CD99L2: variants seen among roughly 807,000 people sequenced by gnomAD.
CD99L2 encodes CD99 antigen-like protein 2.
A neutral mutation model predicts 27.3 loss-of-function variants in CD99L2; 24 were observed. The ratio of observed to expected loss-of-function variants is 0.88; its 90% CI spans 0.64 to 1.24. The LOEUF (loss-of-function observed/expected upper bound fraction) is 1.24. CD99L2 is among the 50% of genes most tolerant of loss of function. The pLI is 0.00. For missense variants in CD99L2, 255 were observed against 221.6 expected, an observed-to-expected ratio of 1.15 and a Z score of -0.96; for synonymous variants, 97 against 87.9, an observed-to-expected ratio of 1.10 and a Z score of -0.58.
intron 1 of CD99L2, among the ~76,000 whole-genome samples, chrX:150,864,061 T>C (rs782255062): frequency 1.2e-4 from 13 of 112,173 alleles, no homozygotes; most frequent in Non-Finnish European, 1.9e-4. Context: ...ACCCAGTTTG[T>C]GATACTTTGT....
intron 2 of CD99L2, among the ~76,000 whole-genome samples, chrX:150,830,129 T>C (rs1285024739): frequency 7.3e-5 from 8 of 109,368 alleles, no homozygotes; most frequent in Admixed American, 5.9e-4. Flanking sequence ...CACTCCAGCC[T>C]GGGTGACAGA....
chrX:150,799,082 A>G (rs1603293791), intron 4 of CD99L2, among the ~76,000 whole-genome samples: 2 of 112,699 alleles, frequency 1.8e-5, no homozygotes, highest in South Asian at 3.6e-4. Context: ...TCAAAGGACA[A>G]TATCAAGAGA....
intron 1 of CD99L2, among the ~76,000 whole-genome samples, chrX:150,897,794 C>A (rs1305575541): frequency 9.0e-6 from 1 of 111,224 alleles, no homozygotes; most frequent in East Asian, 2.8e-4. Context: ...GAATCACCCG[C>A]GGATCTAGTT....
chrX:150,831,614 G>A (rs1285141801), intron 1 of CD99L2, among the ~76,000 whole-genome samples: 2 of 111,360 alleles, frequency 1.8e-5, no homozygotes, highest in African/African-American at 6.5e-5. Flanking sequence ...AGGGTGGGAG[G>A]AGGGAGAGGG....
chrX:150,872,818 G>T (rs67856847), intron 1 of CD99L2, among the ~76,000 whole-genome samples: 22,729 of 110,915 alleles, frequency 0.2, 1,823 homozygotes, highest in African/African-American at 0.3. Flanking sequence ...ATGCAAATAG[G>T]AACAAGGAAA....
intron 1 of CD99L2, among the ~76,000 whole-genome samples, chrX:150,851,655 C>T (rs1197833246): frequency 8.9e-6 from 1 of 112,116 alleles, no homozygotes; most frequent in Non-Finnish European, 1.9e-5. Flanking sequence ...GGGTTAAAAC[C>T]GGGGCACCAG....
At chrX:150,800,830 G>A (rs1006167563) in intron 4 of CD99L2, among the ~76,000 whole-genome samples, 1 of 110,926 alleles carries the variant, frequency 9.0e-6, no homozygotes, top group Non-Finnish European at 1.9e-5. Flanking sequence ...TCAGGAGTTC[G>A]AGATCAGCCT....
chrX:150,808,089 T>C (rs1419730339), intron 4 of CD99L2, among the ~76,000 whole-genome samples: 1 of 112,610 alleles, frequency 8.9e-6, no homozygotes, highest in Non-Finnish European at 1.9e-5. Flanking sequence ...TTATATTACT[T>C]TCTACAGAAG....
At chrX:150,870,315 C>G (rs1170170008) in intron 1 of CD99L2, among the ~76,000 whole-genome samples, 1 of 111,663 alleles carries the variant, frequency 9.0e-6, no homozygotes, top group Non-Finnish European at 1.9e-5. Flanking sequence ...GACTAACAGA[C>G]AGCCAAAGAC....
chrX:150,776,656 C>G (rs1004394085), intron 8 of CD99L2, among the ~76,000 whole-genome samples: 1 of 111,734 alleles, frequency 8.9e-6, no homozygotes. Context: ...CTCTATTGGC[C>G]TCATGATTAT....
intron 1 of CD99L2, among the ~76,000 whole-genome samples, chrX:150,856,701 G>A (rs2046895242): frequency 9.1e-6 from 1 of 109,865 alleles, no homozygotes; most frequent in African/African-American, 3.3e-5. Context: ...CAGAAAACAT[G>A]AAAATGCAAG....
chrX:150,788,658 CATTTG>C (rs1463604187), intron 7 of CD99L2, among the ~76,000 whole-genome samples: 1 of 111,984 alleles, frequency 8.9e-6, no homozygotes, highest in Non-Finnish European at 1.9e-5. Context: ...TCAGGAAAGT[CATTTG>C]ATTTCAGTAA....
intron 9 of CD99L2, among the ~76,000 whole-genome samples, chrX:150,771,629 T>C (rs953383357): frequency 1.8e-5 from 2 of 111,927 alleles, no homozygotes; most frequent in South Asian, 3.7e-4. Context: ...GTCTGGCAGG[T>C]GGCATCCTCT....
At chrX:150,841,159 G>A (rs1373461693) in intron 1 of CD99L2, among the ~76,000 whole-genome samples, 3 of 112,029 alleles carry the variant, frequency 2.7e-5, no homozygotes, top group African/African-American at 9.7e-5. Context: ...AAGATGACTG[G>A]TGAAATGAAA....
chrX:150,787,183 A>G (rs782635824), intron 7 of CD99L2, among the ~76,000 whole-genome samples: 2 of 111,769 alleles, frequency 1.8e-5, no homozygotes, highest in South Asian at 7.4e-4. Flanking sequence ...TACTCTGTTG[A>G]TAGTTTCTTT....
chrX:150,886,419 G>A (rs2047410262), intron 1 of CD99L2, among the ~76,000 whole-genome samples: 1 of 112,277 alleles, frequency 8.9e-6, no homozygotes, highest in Non-Finnish European at 1.9e-5. Context: ...ATGCATGAAT[G>A]CTTGCCTTTG....
At chrX:150,884,402 G>C (rs1328131868) in intron 1 of CD99L2, among the ~76,000 whole-genome samples, 2 of 111,893 alleles carry the variant, frequency 1.8e-5, no homozygotes, top group African/African-American at 6.5e-5. Flanking sequence ...AGTTGGGCTG[G>C]GCACAATGTC....
chrX:150,877,054 A>G (rs1441297355), intron 1 of CD99L2, among the ~76,000 whole-genome samples: 1 of 109,250 alleles, frequency 9.2e-6, no homozygotes, highest in Non-Finnish European at 1.9e-5. Flanking sequence ...AGGCCAATGC[A>G]GGAGGACTGC....
chrX:150,823,824 T>C (rs1232380227), intron 2 of CD99L2, among the ~76,000 whole-genome samples: 1 of 109,879 alleles, frequency 9.1e-6, no homozygotes, highest in Admixed American at 9.7e-5. Context: ...TACTAATCCA[T>C]TCACCTATTA....
Sources: gnomAD v4.1 joint callset for allele counts (sites outside exome capture counted in the v4.1 genomes callset) on GRCh38, gnomAD v4.1.1 for gene constraint, MANE v1.5 for transcripts, NCBI Gene and HGNC (gene_info 2026-07-23, HGNC 2026-07-21) for gene names.